Variants in ABCB4 observed in about 807,000 individuals in gnomAD.
ABCB4 encodes ATP binding cassette subfamily B member 4, also known as phosphatidylcholine translocator ABCB4.
A neutral mutation model predicts 145.7 loss-of-function variants in ABCB4; 76 were observed. The observed-to-expected ratio is 0.52, with a 90% CI of 0.43 to 0.63. The LOEUF (loss-of-function observed/expected upper bound fraction) is 0.63. Ranked by LOEUF, ABCB4 falls within the 30% of genes least tolerant of loss-of-function variation. The pLI, the probability that ABCB4 is intolerant of heterozygous loss-of-function variation, is 0.00. For missense variants in ABCB4, 1,234 were observed against 1,553.1 expected (o/e 0.79, Z 3.45); for synonymous variants, 517 against 566.8 (o/e 0.91, Z 1.25).
the ABCB4 span, chr7:87,381,761 T>C: frequency 1.8e-6 from 1 of 556,646 alleles, no homozygotes; most frequent in Non-Finnish European, 3.1e-6. Flanking sequence ...TAGGGAATCT[T>C]CTATCTTATC....
intron 21 of ABCB4, among the ~76,000 whole-genome samples, chr7:87,414,030 G>T (rs1808804648): frequency 6.6e-6 from 1 of 152,156 alleles, no homozygotes; most frequent in South Asian, 2.1e-4. Context: ...TTACATGACT[G>T]GCCTTAGTCA....
the ABCB4 span, chr7:87,391,761 A>G: frequency 6.3e-7 from 1 of 1,576,352 alleles, no homozygotes; most frequent in Non-Finnish European, 8.6e-7. Flanking sequence ...TAATTGTTCT[A>G]AAGGAACCGT....
intron 12 of ABCB4, among the ~76,000 whole-genome samples, chr7:87,442,824 T>C (rs45503798): frequency 0.13 from 19,946 of 152,140 alleles, 1,915 homozygotes; most frequent in African/African-American, 0.27. Context: ...TATTACTGTC[T>C]CTGTGTTTCT....
chr7:87,392,750 G>C, the ABCB4 span: 2 of 1,613,390 alleles, frequency 1.2e-6, no homozygotes, highest in African/African-American at 1.3e-5. Context: ...TCACCTTTTA[G>C]GTCTCTTACT....
rs1455173516 is a variant in ABCB4, at chr7:87,462,672, G to A, written c.286+86C>T. The A allele has an allele frequency of 4.1e-6, 5 of 1,219,784 alleles. No homozygotes were observed. In the African/African-American group the frequency reaches 7.5e-5, roughly 18 times the overall value. The allele number at this position is 1,219,784 out of a possible 1,614,324, so 75.6% of individuals were successfully genotyped here. ...AGATATCCAAATCATTAAATAAGATGGTAATGAATAGCAAAATCAACTCCC... is the reference window on the plus strand; with the variant it reads ...AGATATCCAAATCATTAAATAAGATAGTAATGAATAGCAAAATCAACTCCC... On this transcript the variant is annotated intron_variant, in intron 4 of 27. Coordinates refer to ENST00000649586, the MANE Select transcript of ABCB4 (RefSeq NM_000443.4).
the ABCB4 span, among the ~76,000 whole-genome samples, chr7:87,374,696 A>G: frequency 7.9e-5 from 12 of 151,950 alleles, no homozygotes; most frequent in Admixed American, 3.3e-4. Context: ...CAAGGGGGGA[A>G]TTTTTCAGCA....
At chr7:87,407,102 T>G (rs977141196) in intron 25 of ABCB4, among the ~76,000 whole-genome samples, 2 of 152,232 alleles carry the variant, frequency 1.3e-5, no homozygotes, top group Non-Finnish European at 2.9e-5. Flanking sequence ...GTTTTTGTTT[T>G]ACTTGCTATA....
chr7:87,382,228 AC>A, the ABCB4 span: 7,776 of 1,516,330 alleles, frequency 5.1e-3, 316 homozygotes, highest in African/African-American at 0.094. Flanking sequence ...TTTTCTTTTA[AC>A]AACCATATGT....
chr7:87,469,857 G>C (rs1397317454), intron 3 of ABCB4, among the ~76,000 whole-genome samples: 1 of 152,060 alleles, frequency 6.6e-6, no homozygotes, highest in African/African-American at 2.4e-5. Flanking sequence ...TCATAGAATT[G>C]GAAAAAACTA....
At position 87,417,340 on chromosome 7, in the gene ABCB4, T is replaced by C; in HGVS notation, c.2654A>G (p.Asp885Gly). 1 of 1,614,108 alleles carries C rather than the reference T, an allele frequency of 6.2e-7. No homozygotes were observed. Among genetic ancestry groups the C allele is most frequent in the Non-Finnish European group, 8.5e-7 (1 of 1,179,976 alleles). ...MKLLAGNAKR[D>G]KKELEAAGKI... The stretch of plus-strand genomic sequence containing the variant: ...TCCAGCAGCTTCCAGTTCTTTTTTA[T>C]CTCTTTTGGCATTTCCAGCCAACAA... Residue 885 changes from aspartate to glycine, a missense_variant, in exon 21 of 28, where the codon GAT becomes GGT. Asp to Gly is a moderately conservative substitution (Grantham distance 94). Coordinates refer to ENST00000649586, the MANE Select transcript of ABCB4 (RefSeq NM_000443.4).
At chr7:87,436,834 C>T (rs1810639604) in intron 14 of ABCB4, among the ~76,000 whole-genome samples, 1 of 152,104 alleles carries the variant, frequency 6.6e-6, no homozygotes, top group African/African-American at 2.4e-5. Flanking sequence ...CTATGATTAT[C>T]CTGTCCCTGC....
Position 87,423,826 on chromosome 7 carries a change from A to C in ABCB4, c.2211+80T>G, listed in dbSNP as rs901596081. 9 of 1,566,604 alleles carry C rather than the reference A, an allele frequency of 5.7e-6. No individual in the cohort carries two copies. In the Admixed American group the frequency reaches 1.3e-4, roughly 23 times the overall value. On this transcript the variant is annotated intron_variant, in intron 17 of 27. Coordinates refer to ENST00000649586, the MANE Select transcript of ABCB4 (RefSeq NM_000443.4). Reference sequence around the variant, plus strand: ...TTAAGGCTGCTTAATCCCAGAATGGAGCCAGTCAGTGAGGTTGGGAGAAGC... The same window carrying C: ...TTAAGGCTGCTTAATCCCAGAATGGCGCCAGTCAGTGAGGTTGGGAGAAGC...
At chr7:87,399,631 T>C (rs1807692369), downstream of ABCB4, 1 of 152,226 alleles carries the variant, frequency 6.6e-6, no homozygotes, top group Non-Finnish European at 1.5e-5. Flanking sequence ...AAAGCACTTA[T>C]GTTTAAATTT....
chr7:87,447,223 G>A lies in ABCB4; in HGVS notation c.834-18C>T. 2 of 1,608,400 alleles carry A rather than the reference G, an allele frequency of 1.2e-6. No homozygotes were observed. Among genetic ancestry groups the A allele is most frequent in the Non-Finnish European group, 1.7e-6 (2 of 1,175,482 alleles). ...TCTGATACCTACCAGAAAAATGAGA[G>A]GGAAAACATTATAATTAAGAATAAC... On this transcript the variant is annotated intron_variant, in intron 8 of 27. Transcript: ENST00000649586.
intron 27 of ABCB4, 41 bp from the exon 28 acceptor site, chr7:87,402,343 A>T (rs1227698026): frequency 3.1e-6 from 5 of 1,609,772 alleles, no homozygotes; most frequent in Non-Finnish European, 4.2e-6. Flanking sequence ...CAAAAATTGT[A>T]TAAATTAGTT....
the ABCB4 span, among the ~76,000 whole-genome samples, chr7:87,392,374 G>A: frequency 3.9e-5 from 6 of 152,124 alleles, no homozygotes; most frequent in African/African-American, 1.4e-4. Flanking sequence ...AAAGAAATAA[G>A]AAGCAGGATA....
chr7:87,373,839 T>C, the ABCB4 span, among the ~76,000 whole-genome samples: 2 of 152,058 alleles, frequency 1.3e-5, no homozygotes, highest in Non-Finnish European at 2.9e-5. Flanking sequence ...GAACAAATGG[T>C]CAATGAAAAA....
chr7:87,428,422 C>T (rs1809981561), intron 15 of ABCB4, among the ~76,000 whole-genome samples: 1 of 152,076 alleles, frequency 6.6e-6, no homozygotes, highest in Admixed American at 6.6e-5. Context: ...TGTAAAAAAG[C>T]AGAACAAAAA....
chr7:87,468,863 G>A lies in ABCB4; in HGVS notation c.135+3758C>T, dbSNP rs759403069. ...GGAGAATGGCGTGAACCCGGGAGGC[G>A]CAGCTTGCAGTGAGCCCAGATAGCG... On this transcript the variant is annotated intron_variant, in intron 3 of 27. Transcript: ENST00000649586. Among the ~76,000 whole-genome samples the A allele has an allele frequency of 7.9e-5, 12 of 151,802 alleles. No homozygotes were observed. In the South Asian group the frequency reaches 8.3e-4, roughly 11 times the overall value.
Sources: gnomAD v4.1 joint callset for allele counts (sites outside exome capture counted in the v4.1 genomes callset) on GRCh38, gnomAD v4.1.1 for gene constraint, MANE v1.5 for transcripts, NCBI Gene and HGNC (gene_info 2026-07-23, HGNC 2026-07-21) for gene names.